The following LRRN1 variants were observed in gnomAD, a reference collection of about 807,000 sequenced individuals.
LRRN1 encodes leucine rich repeat neuronal 1.
LRRN1 carries 14 observed loss-of-function variants against 45.8 expected under a neutral mutation model. The observed-to-expected ratio is 0.31, with a 90% CI of 0.20 to 0.48. The LOEUF is 0.48. Among genes scored for constraint, LRRN1 ranks in the 20% least tolerant of loss-of-function variants. LRRN1 has a pLI of 0.99. For synonymous variants in LRRN1, 359 were observed against 330.1 expected, an observed-to-expected ratio of 1.09 and a Z score of -0.95; for missense variants, 789 against 874.2, an observed-to-expected ratio of 0.90 and a Z score of 1.23.
chr3:3,818,113 G>A (rs900642607), intron 1 of LRRN1, among the ~76,000 whole-genome samples: 5 of 152,174 alleles, frequency 3.3e-5, no homozygotes, highest in African/African-American at 4.8e-5. Context: ...TACTAACAGG[G>A]CATGGCGAAA....
chr3:3,814,243 A>C (rs1040700327), intron 1 of LRRN1, among the ~76,000 whole-genome samples: 1 of 148,796 alleles, frequency 6.7e-6, no homozygotes, highest in African/African-American at 2.5e-5. Context: ...TTTCGGAATT[A>C]TAGAACTGAT....
intron 1 of LRRN1, among the ~76,000 whole-genome samples, chr3:3,843,962 C>CTTTGTTTT (rs1693699617): frequency 6.6e-6 from 1 of 152,142 alleles, no homozygotes; most frequent in Non-Finnish European, 1.5e-5. Flanking sequence ...CATGTAGTTT[C>CTTTGTTTT]TAAAGACATC....
At position 3,846,491 on chromosome 3, in the gene LRRN1, C is replaced by T; in HGVS notation, c.1850C>T (p.Ala617Val). Reference protein sequence around the residue: ...KSCVNVTTKNAAFAVDISDQE... With the variant: ...KSCVNVTTKNVAFAVDISDQE... ...TGCGTAAATGTCACAACCAAAAATGCCGCCTTCGCAGTGGACATCTCTGAT... is the reference window on the plus strand; with the variant it reads ...TGCGTAAATGTCACAACCAAAAATGTCGCCTTCGCAGTGGACATCTCTGAT... Residue 617 changes from alanine to valine, a missense_variant, in exon 2 of 2, where the codon GCC (alanine) becomes GTC (valine). Ala to Val is a moderately conservative substitution (Grantham distance 64, BLOSUM62 0). Coordinates refer to ENST00000319331, the MANE Select transcript of LRRN1 (RefSeq NM_020873.7). The surrounding 1 kb of genome is among the most constrained non-coding windows in gnomAD (Gnocchi z 5.7). 1 of 1,614,148 alleles carries T rather than the reference C, an allele frequency of 6.2e-7. No homozygotes were observed.
Position 3,816,196 on chromosome 3 carries a change from T to G in LRRN1, c.-279+16277T>G, listed in dbSNP as rs2106455731. ...TTCTCAGCTGTTCCTTTGCACCATA[T>G]GATTACACAAGCCTAGACTGTGTAA... On this transcript the variant is annotated intron_variant, in intron 1 of 1. Coordinates refer to ENST00000319331, the MANE Select transcript of LRRN1 (RefSeq NM_020873.7). The surrounding 1 kb of genome is among the most constrained non-coding windows in gnomAD (Gnocchi z 4.0). Among the ~76,000 whole-genome samples, 1 of 152,310 alleles carries G rather than the reference T, an allele frequency of 6.6e-6. No homozygotes were observed. The highest frequency in any genetic ancestry group is 2.4e-5 in the African/African-American group (1 of 41,578).
At chr3:3,838,946 A>G (rs1384699325) in intron 1 of LRRN1, among the ~76,000 whole-genome samples, 2 of 152,176 alleles carry the variant, frequency 1.3e-5, no homozygotes, top group Middle Eastern at 6.8e-3. Context: ...ATTGTCTCCC[A>G]TTCTGTAGGT....
At chr3:3,838,955 GTCA>G (rs997579381) in intron 1 of LRRN1, among the ~76,000 whole-genome samples, 6 of 151,898 alleles carry the variant, frequency 4.0e-5, no homozygotes, top group African/African-American at 1.5e-4. Context: ...CATTCTGTAG[GTCA>G]TCTTTTTTTG....
chr3:3,802,260 A>G (rs115356538), intron 1 of LRRN1, among the ~76,000 whole-genome samples: 113 of 152,330 alleles, frequency 7.4e-4, no homozygotes, highest in African/African-American at 2.7e-3. Flanking sequence ...GCGTTGTGCG[A>G]CAGCTGAACA....
At chr3:3,817,057 A>G (rs1419357076) in intron 1 of LRRN1, among the ~76,000 whole-genome samples, 4 of 152,172 alleles carry the variant, frequency 2.6e-5, no homozygotes. Flanking sequence ...ACCACCTGCC[A>G]TCTATAAGCT....
chr3:3,827,918 A>C (rs1351027956), intron 1 of LRRN1, among the ~76,000 whole-genome samples: 1 of 152,154 alleles, frequency 6.6e-6, no homozygotes, highest in African/African-American at 2.4e-5. Context: ...AAAATATAAT[A>C]GAAATGACAA....
intron 1 of LRRN1, among the ~76,000 whole-genome samples, chr3:3,810,949 A>G (rs1692859474): frequency 6.6e-6 from 1 of 152,150 alleles, no homozygotes; most frequent in Non-Finnish European, 1.5e-5. Context: ...GGAGAACTTC[A>G]TTGTCTTGTT....
At chr3:3,840,766 G>A (rs1184779484) in intron 1 of LRRN1, among the ~76,000 whole-genome samples, 1 of 152,048 alleles carries the variant, frequency 6.6e-6, no homozygotes, top group East Asian at 1.9e-4. Flanking sequence ...TGGTTGATTG[G>A]TTGGTTAGTT....
chr3:3,820,052 TTTGTTG>T (rs71040092), intron 1 of LRRN1, among the ~76,000 whole-genome samples: 27,684 of 151,780 alleles, frequency 0.18, 2,946 homozygotes, highest in East Asian at 0.42. Context: ...CCCATTCTCT[TTTGTTG>T]TTGTTGTTGT....
rs1693809635 is a variant in LRRN1 at position 3,847,849 on chromosome 3, C to T, written c.*1057C>T. The T allele has an allele frequency of 1.2e-5, 2 of 164,608 alleles. No homozygotes were observed. Among genetic ancestry groups the T allele is most frequent in the Non-Finnish European group, 1.5e-5 (1 of 68,064 alleles). 10.2% of individuals were successfully genotyped at this position (164,608 alleles called of 1,614,324 possible). A position where few individuals can be genotyped will look rare whatever the true frequency, so the allele number is the denominator to read the frequency against. Reference sequence around the variant, plus strand: ...ATAGTACTGACTAGCACCTAATGGGCAGTGGGAGGGTGGTTCATATGAAGA... The same window carrying T: ...ATAGTACTGACTAGCACCTAATGGGTAGTGGGAGGGTGGTTCATATGAAGA... On this transcript the variant is annotated 3_prime_UTR_variant, in exon 2 of 2. Transcript: ENST00000319331.
chr3:3,819,836 A>G (rs530809268), intron 1 of LRRN1, among the ~76,000 whole-genome samples: 82 of 152,328 alleles, frequency 5.4e-4, no homozygotes, highest in South Asian at 2.9e-3. Flanking sequence ...CTGATGGTAA[A>G]TGGTGTAGGC....
chr3:3,835,682 G>C (rs542699228), intron 1 of LRRN1, among the ~76,000 whole-genome samples: 1 of 149,350 alleles, frequency 6.7e-6, no homozygotes, highest in African/African-American at 2.5e-5. Flanking sequence ...AGAAGTTAAT[G>C]CATATAAATC....
intron 1 of LRRN1, among the ~76,000 whole-genome samples, chr3:3,840,628 C>T (rs1415045499): frequency 2.6e-5 from 4 of 152,094 alleles, no homozygotes; most frequent in Admixed American, 2.6e-4. Context: ...ATGTTTAATT[C>T]CTTGCTGCCA....
rs145485413 is a variant in LRRN1 at position 3,831,533 on chromosome 3, C to CAAAGCTGGAGAGCTGATATACCCCTGG, written c.-278-12831_-278-12830insAAAGCTGGAGAGCTGATATACCCCTGG. ...GGTCTCTCTGAATAAGACTATGACA[C>CAAAGCTGGAGAGCTGATATACCCCTGG]GGCCGGGCGCGGTGGCTCACGCCTG... On this transcript the variant is annotated intron_variant, in intron 1 of 1. Transcript: ENST00000319331. Among the ~76,000 whole-genome samples the CAAAGCTGGAGAGCTGATATACCCCTGG allele has an allele frequency of 5.8e-4, 6 of 10,272 alleles. 3 individuals are homozygous for CAAAGCTGGAGAGCTGATATACCCCTGG. The highest frequency in any genetic ancestry group is 1.7e-3 in the Non-Finnish European group (6 of 3,538). The allele number at this position is 10,272 out of a possible 152,430, so 6.7% of individuals were successfully genotyped here.
intron 1 of LRRN1, among the ~76,000 whole-genome samples, chr3:3,811,605 G>T (rs539322893): frequency 1.2e-4 from 19 of 152,160 alleles, no homozygotes; most frequent in Admixed American, 5.2e-4. Context: ...TATACTCAGA[G>T]ATATTACTAT....
intron 1 of LRRN1, among the ~76,000 whole-genome samples, chr3:3,831,073 G>A (rs988240232): frequency 2.0e-5 from 3 of 152,174 alleles, no homozygotes; most frequent in African/African-American, 7.2e-5. Flanking sequence ...AAGTGGCAGA[G>A]CACTTTGCAC....
Sources: gnomAD v4.1 joint callset for allele counts (sites outside exome capture counted in the v4.1 genomes callset) on GRCh38, gnomAD v4.1.1 for gene constraint, Gnocchi (gnomAD v3.1) non-coding constraint, MANE v1.5 for transcripts, NCBI Gene and HGNC (gene_info 2026-07-23, HGNC 2026-07-21) for gene names.